The following CRK variants were observed in gnomAD, a reference collection of about 807,000 sequenced individuals.
The protein encoded by CRK is adapter molecule crk.
CRK carries 4 observed loss-of-function variants against 29.8 expected under a neutral mutation model. That is an observed-to-expected ratio of 0.13 (90% CI 0.07 to 0.31). The LOEUF is 0.31. CRK is among the 10% of genes least tolerant of loss of function. The pLI is 1.00. For missense variants in CRK, 274 were observed against 396.5 expected (o/e 0.69, Z 2.62); for synonymous variants, 153 against 164.9 (o/e 0.93, Z 0.55).
rs1289614896 is a variant in CRK, at chr17:1,422,229, T to C, written c.*1284A>G. On this transcript the variant is annotated 3_prime_UTR_variant, in exon 3 of 3. Transcript: ENST00000300574. ...CTCAGGCTGGAACGCAGTGGTGCGA[T>C]CTCGGCTCACTGCAGCCTCCACCTC... is the stretch of plus-strand genomic sequence containing the variant. The C allele has an allele frequency of 6.6e-6, 1 of 150,714 alleles. No homozygotes were observed. Among genetic ancestry groups the C allele is most frequent in the African/African-American group, 2.4e-5 (1 of 40,930 alleles). 9.3% of individuals were successfully genotyped at this position (150,714 alleles called of 1,614,324 possible).
intron 1 of CRK, among the ~76,000 whole-genome samples, chr17:1,446,785 G>A (rs994623708): frequency 1.3e-5 from 2 of 151,476 alleles, no homozygotes; most frequent in Non-Finnish European, 2.9e-5. Context: ...AGTAGAGACG[G>A]GGTTTCACCG....
At chr17:1,439,036 G>A (rs945878599) in intron 1 of CRK, among the ~76,000 whole-genome samples, 1 of 151,690 alleles carries the variant, frequency 6.6e-6, no homozygotes, top group African/African-American at 2.4e-5. Context: ...GTTTCACCAC[G>A]TTGCCCAGAC....
intron 1 of CRK, among the ~76,000 whole-genome samples, chr17:1,440,368 G>A (rs1254520287): frequency 1.3e-5 from 2 of 151,946 alleles, no homozygotes; most frequent in African/African-American, 2.4e-5. Context: ...GGAGGCTGAG[G>A]TGAGAGATCG....
chr17:1,455,968 G>A lies in CRK; in HGVS notation c.150C>T (p.Ser50=). The change falls in exon 1 of 3, where the codon AGC becomes AGT. Residue 50 remains serine, a synonymous_variant. Transcript: ENST00000300574. ...SSTSPGDYVL[S]VSENSRVSHY... Reference sequence around the variant, plus strand: ...GGGAGACGCGCGAGTTCTCTGAGACGCTGAGCACATAGTCCCCGGGGCTGG... The same window carrying A: ...GGGAGACGCGCGAGTTCTCTGAGACACTGAGCACATAGTCCCCGGGGCTGG... The A allele has an allele frequency of 6.2e-7, 1 of 1,602,590 alleles. No individual in the cohort carries two copies. Among genetic ancestry groups the A allele is most frequent in the Non-Finnish European group, 8.5e-7 (1 of 1,175,870 alleles).
At position 1,444,403 on chromosome 17, in the gene CRK, C is replaced by T. The variant is rs541501877; in HGVS notation, c.242-7248G>A. 2.6e-5 allele frequency among the ~76,000 whole-genome samples: 4 copies of T among 152,294 alleles called. No homozygotes were observed. In the East Asian group the frequency reaches 7.7e-4, roughly 29 times the overall value. On this transcript the variant is annotated intron_variant, in intron 1 of 2. Transcript: ENST00000300574. ...CAAACGCCAGGCAGGGTGGTGCGCG[C>T]CTTTAGTCCCAGCTACTTCGGAGGC... is the stretch of plus-strand genomic sequence containing the variant.
At position 1,442,606 on chromosome 17, in the gene CRK, CTTTTTTTTT is replaced by C. The variant is rs33970272; in HGVS notation, c.242-5460_242-5452del. Among the ~76,000 whole-genome samples the C allele has an allele frequency of 6.6e-4, 80 of 121,118 alleles. 1 individual carries two copies. In the South Asian group the frequency reaches 0.02, roughly 31 times the overall value. The allele number at this position is 121,118 out of a possible 152,430, so 79.5% of individuals were successfully genotyped here. On this transcript the variant is annotated intron_variant, in intron 1 of 2. Transcript: ENST00000300574. ...GGATTTTTCTTGTGTGTGAAAGGGT[CTTTTTTTTT>C]TTTTTTTTTGAAGACAGAGTCTTGC... is the stretch of plus-strand genomic sequence containing the variant.
Position 1,436,774 on chromosome 17 carries a change from G to C in CRK, c.623C>G (p.Ser208Cys). The C allele has an allele frequency of 6.3e-7, 1 of 1,585,784 alleles. No individual in the cohort carries two copies. The highest frequency in any genetic ancestry group is 8.6e-7 in the Non-Finnish European group (1 of 1,168,386). The change falls in exon 2 of 3, where the codon TCC becomes TGC. Residue 208 changes from serine (S) to cysteine (C), a missense_variant. This residue lies in a region of CRK where 121 missense variants were observed against 154.3 expected (regional missense o/e 0.78). Transcript: ENST00000300574. The part of the protein sequence containing the change: ...SALIGGNQEG[S>C]HPQPLGGPEP... The stretch of plus-strand genomic sequence containing the variant: ...CGGCCCACCCAGTGGCTGTGGGTGG[G>C]AACCCTCCTGGTTACCTCCAATCAG...
intron 1 of CRK, among the ~76,000 whole-genome samples, chr17:1,449,398 T>C (rs1038538746): frequency 3.9e-5 from 6 of 152,184 alleles, no homozygotes; most frequent in African/African-American, 1.4e-4. Flanking sequence ...AGTTATGTTA[T>C]TAAGATTCGT....
intron 1 of CRK, among the ~76,000 whole-genome samples, chr17:1,438,473 C>T (rs1412810602): frequency 6.6e-6 from 1 of 152,024 alleles, no homozygotes; most frequent in Non-Finnish European, 1.5e-5. Context: ...TCAATTTTAT[C>T]TTTGACAGCT....
At chr17:1,436,579 TGCA>T in intron 2 of CRK, 38 bp downstream of exon 2, 3 of 1,552,706 alleles carry the variant, frequency 1.9e-6, no homozygotes, top group Non-Finnish European at 2.6e-6. Context: ...GAGGAGACCC[TGCA>T]GCAGATCTCT....
At chr17:1,450,855 C>T (rs2074011879) in intron 1 of CRK, among the ~76,000 whole-genome samples, 1 of 151,914 alleles carries the variant, frequency 6.6e-6, no homozygotes. Context: ...CACTGCACTC[C>T]AGACGGGGCA....
chr17:1,436,571 G>A, intron 2 of CRK, 49 bp downstream of exon 2: 1 of 1,538,512 alleles, frequency 6.5e-7, no homozygotes. Context: ...AGGACCGAGA[G>A]GAGACCCTGC....
At chr17:1,425,119 TC>T (rs1439241779) in intron 2 of CRK, among the ~76,000 whole-genome samples, 6 of 151,822 alleles carry the variant, frequency 4.0e-5, no homozygotes, top group African/African-American at 1.5e-4. Flanking sequence ...AGACAGAGTC[TC>T]GATCTGTTGC....
At chr17:1,451,192 C>CCAAAAA (rs2074015032) in intron 1 of CRK, among the ~76,000 whole-genome samples, 1 of 66,962 alleles carries the variant, frequency 1.5e-5, no homozygotes, top group African/African-American at 6.2e-5. Flanking sequence ...GAAACTGTCT[C>CCAAAAA]AAAAAAAAAA....
chr17:1,448,385 G>A lies in CRK; in HGVS notation c.241+7492C>T, dbSNP rs190593880. ...CACGCCTGTAATCCCAGTACTTTGG[G>A]TGGCAGAGCCAGGCAAATCACTGAG... On this transcript the variant is annotated intron_variant, in intron 1 of 2. Transcript: ENST00000300574. 2.6e-5 allele frequency among the ~76,000 whole-genome samples: 4 copies of A among 152,168 alleles called. No individual in the cohort carries two copies. In the East Asian group the frequency reaches 7.7e-4, roughly 29 times the overall value.
In CRK at chr17:1,420,906, T is replaced by C. The variant is rs1328946192; in HGVS notation, c.*2607A>G. 2.0e-5 allele frequency: 3 copies of C among 152,204 alleles called. No individual in the cohort carries two copies. Among genetic ancestry groups the C allele is most frequent in the Non-Finnish European group, 4.4e-5 (3 of 68,040 alleles). The allele number at this position is 152,204 out of a possible 1,614,324, so 9.4% of individuals were successfully genotyped here. The stretch of plus-strand genomic sequence containing the variant: ...TTTCAAACCATTAACAGTGAAATGT[T>C]ACTTGTGGATAATTAAAAATTATCT... On this transcript the variant is annotated 3_prime_UTR_variant, in exon 3 of 3. Transcript: ENST00000300574.
rs1465992130 is a variant in CRK at position 1,446,631 on chromosome 17, G to A, written c.241+9246C>T. Among the ~76,000 whole-genome samples, 7 of 126,196 alleles carry A rather than the reference G, an allele frequency of 5.5e-5. No individual in the cohort carries two copies. In the East Asian group the frequency reaches 6.7e-4, roughly 12 times the overall value. 82.8% of individuals were successfully genotyped at this position (126,196 alleles called of 152,430 possible). On this transcript the variant is annotated intron_variant, in intron 1 of 2. Coordinates refer to ENST00000300574, the MANE Select transcript of CRK (RefSeq NM_016823.4). ...TTTTGAGGCGGAGTCTCGCTCTTTC[G>A]CCTAGGCTGGACTGCAGTGGCGCCA...
chr17:1,429,527 G>A (rs1395430981), intron 2 of CRK, among the ~76,000 whole-genome samples: 2 of 151,954 alleles, frequency 1.3e-5, no homozygotes, highest in Non-Finnish European at 2.9e-5. Flanking sequence ...GCCCAACTCG[G>A]CCTCCCAAAG....
chr17:1,427,768 G>T (rs533468147), intron 2 of CRK, among the ~76,000 whole-genome samples: 8 of 150,394 alleles, frequency 5.3e-5, no homozygotes, highest in Non-Finnish European at 8.9e-5. Flanking sequence ...TAGCTGGGAC[G>T]ACAAGCACAA....
Sources: gnomAD v4.1 joint callset for allele counts (sites outside exome capture counted in the v4.1 genomes callset) on GRCh38, gnomAD v4.1.1 for gene constraint, gnomAD v4.1.1 regional missense constraint, MANE v1.5 for transcripts, NCBI Gene and HGNC (gene_info 2026-07-23, HGNC 2026-07-21) for gene names.